Variants in ABCC1 observed in about 807,000 individuals in gnomAD.
The protein encoded by ABCC1 is ATP binding cassette subfamily C member 1 (ABCC1 blood group).
ABCC1 carries 83 observed loss-of-function variants against 172.9 expected under a neutral mutation model. That is an observed-to-expected ratio of 0.48 (90% CI 0.40 to 0.58). The LOEUF (loss-of-function observed/expected upper bound fraction) is 0.58, where lower values mean the gene tolerates loss of function less well. Among genes scored for constraint, ABCC1 ranks in the 20% least tolerant of loss-of-function variants. ABCC1 has a pLI of 0.00. For missense variants in ABCC1, 1,817 were observed against 2,002.7 expected, an observed-to-expected ratio of 0.91 and a Z score of 1.77; for synonymous variants, 937 against 825.2, an observed-to-expected ratio of 1.14 and a Z score of -2.32.
intron 28 of ABCC1, among the ~76,000 whole-genome samples, chr16:16,134,829 A>C (rs1180741357): frequency 1.3e-5 from 2 of 151,778 alleles, no homozygotes; most frequent in Non-Finnish European, 2.9e-5. Context: ...TTTTGTGGAG[A>C]TGGGGTTCCA....
intron 16 of ABCC1, 118 bp downstream of exon 16, chr16:16,079,596 C>G: frequency 8.0e-7 from 1 of 1,254,506 alleles, no homozygotes; most frequent in Non-Finnish European, 1.1e-6. Context: ...AGCAACGTCT[C>G]TTTTCCTCCT....
At chr16:16,141,083 G>T in intron 30 of ABCC1, 90 bp from the exon 31 acceptor site, 2 of 1,137,454 alleles carry the variant, frequency 1.8e-6, no homozygotes, top group Non-Finnish European at 1.3e-6. Context: ...GGCCTGACCC[G>T]AAGCAGTGAC....
chr16:16,029,340 A>C (rs1462545212), intron 5 of ABCC1, among the ~76,000 whole-genome samples: 3 of 152,084 alleles, frequency 2.0e-5, no homozygotes, highest in African/African-American at 7.2e-5. Flanking sequence ...CTCGTGCCTC[A>C]GCCTCTTGAG....
chr16:15,957,965 C>T (rs2046037052), intron 1 of ABCC1, among the ~76,000 whole-genome samples: 2 of 152,206 alleles, frequency 1.3e-5, no homozygotes, highest in Non-Finnish European at 2.9e-5. Context: ...ATCAGAAGTT[C>T]TGCTAGCCCC....
Position 16,111,486 on chromosome 16 carries a change from T to TG in ABCC1, c.2985dup (p.Leu996AlafsTer6). On this transcript the variant is annotated frameshift_variant, in exon 22 of 31. Coordinates refer to ENST00000399410, the MANE Select transcript of ABCC1 (RefSeq NM_004996.4). LOFTEE classifies it high-confidence loss of function. ...TGTGTCCGCGCTGGCTTCCAACTAT[T>TG]GGCTCAGCCTCTGGACTGATGACCC... is the stretch of plus-strand genomic sequence containing the variant. The TG allele has an allele frequency of 1.9e-6, 3 of 1,614,202 alleles. No homozygotes were observed. The highest frequency in any genetic ancestry group is 2.5e-6 in the Non-Finnish European group (3 of 1,180,026).
Position 16,065,967 on chromosome 16 carries a change from C to T in ABCC1, c.1678-2189C>T, listed in dbSNP as rs532695436. 2.1e-4 allele frequency among the ~76,000 whole-genome samples: 28 copies of T among 136,040 alleles called. 1 individual carries two copies. Among genetic ancestry groups the T allele is most frequent in the Non-Finnish European group, 4.7e-5 (3 of 63,366 alleles). The allele number at this position is 136,040 out of a possible 152,430, so 89.2% of individuals were successfully genotyped here. On this transcript the variant is annotated intron_variant, in intron 12 of 30. Coordinates refer to ENST00000399410, the MANE Select transcript of ABCC1 (RefSeq NM_004996.4). ...GTGTGATGTGTGGTGGTGTGAAGGTCACCCAGTGGGTTTTTTGTATAAATG... is the reference window on the plus strand; with the variant it reads ...GTGTGATGTGTGGTGGTGTGAAGGTTACCCAGTGGGTTTTTTGTATAAATG...
At chr16:16,054,034 G>C (rs939080764) in intron 11 of ABCC1, among the ~76,000 whole-genome samples, 3 of 151,362 alleles carry the variant, frequency 2.0e-5, no homozygotes, top group African/African-American at 7.3e-5. Flanking sequence ...GAGTGCAGTC[G>C]TACGATCTTG....
At chr16:16,028,660 C>G (rs868607577) in intron 5 of ABCC1, among the ~76,000 whole-genome samples, 5 of 152,188 alleles carry the variant, frequency 3.3e-5, no homozygotes, top group Non-Finnish European at 5.9e-5. Context: ...ACCACTACCT[C>G]CACGCCTTAG....
Position 15,981,419 on chromosome 16 carries a change from C to T in ABCC1, c.49-26397C>T, listed in dbSNP as rs74464571. 2.3e-3 allele frequency among the ~76,000 whole-genome samples: 351 copies of T among 152,342 alleles called. 8 individuals carry two copies. Among genetic ancestry groups the T allele is most frequent in the African/African-American group, 7.8e-3 (326 of 41,568 alleles). On this transcript the variant is annotated intron_variant, in intron 1 of 30. Transcript: ENST00000399410. ...ACACCCAGGCATTTCCATGCATCCT[C>T]TGAAATCTAGGTGGAGGTTCCCAAA... is the stretch of plus-strand genomic sequence containing the variant.
chr16:15,955,395 A>G (rs1470274084), intron 1 of ABCC1, among the ~76,000 whole-genome samples: 2 of 151,892 alleles, frequency 1.3e-5, no homozygotes, highest in Non-Finnish European at 2.9e-5. Context: ...TGCTGTGCCT[A>G]CTCTGCCCTT....
intron 1 of ABCC1, among the ~76,000 whole-genome samples, chr16:15,967,758 CAA>C (rs11287273): frequency 0.057 from 6,957 of 123,004 alleles, 556 homozygotes; most frequent in African/African-American, 0.19. Context: ...GCACTGTCTC[CAA>C]AAAAAAAAAA....
Position 15,999,093 on chromosome 16 carries a change from T to C in ABCC1, c.49-8723T>C, listed in dbSNP as rs147725083. Among the ~76,000 whole-genome samples the C allele has an allele frequency of 5.3e-3, 800 of 152,246 alleles. 8 individuals carry two copies. Among genetic ancestry groups the C allele is most frequent in the African/African-American group, 0.018 (754 of 41,562 alleles). ...TCGGCTCACTGCAAGCTCTGCCTTC[T>C]GGGTTCATGCCATTCTCCTGCCTCA... On this transcript the variant is annotated intron_variant, in intron 1 of 30. Transcript: ENST00000399410.
intron 21 of ABCC1, among the ~76,000 whole-genome samples, chr16:16,107,460 T>A (rs1336237478): frequency 6.6e-6 from 1 of 152,054 alleles, no homozygotes; most frequent in African/African-American, 2.4e-5. Context: ...CAGCTAATTT[T>A]TGTATTTTTA....
chr16:16,115,942 G>A (rs893103506), intron 23 of ABCC1, among the ~76,000 whole-genome samples: 5 of 148,082 alleles, frequency 3.4e-5, no homozygotes, highest in Non-Finnish European at 7.5e-5. Context: ...TCGCTCTGTC[G>A]CCCAGGCTGG....
intron 3 of ABCC1, among the ~76,000 whole-genome samples, chr16:16,013,365 G>A (rs1460238798): frequency 6.6e-6 from 1 of 151,640 alleles, no homozygotes; most frequent in Non-Finnish European, 1.5e-5. Flanking sequence ...CCGCCTCCCA[G>A]GTTCAAGTGA....
intron 1 of ABCC1, among the ~76,000 whole-genome samples, chr16:15,986,268 C>T (rs923581148): frequency 5.9e-5 from 9 of 151,778 alleles, no homozygotes; most frequent in Non-Finnish European, 8.8e-5. Context: ...ATATTCCCAC[C>T]GTCCTCTTGT....
chr16:15,975,496 G>A (rs1315361131), intron 1 of ABCC1, among the ~76,000 whole-genome samples: 1 of 152,070 alleles, frequency 6.6e-6, no homozygotes, highest in East Asian at 1.9e-4. Context: ...TTTCTGGATT[G>A]CTCTTCAGAT....
chr16:16,110,331 G>A (rs573109081), intron 21 of ABCC1, among the ~76,000 whole-genome samples: 3 of 152,206 alleles, frequency 2.0e-5, no homozygotes, highest in Admixed American at 2.0e-4. Flanking sequence ...TGATCCACTT[G>A]CCGCAGCCCC....
intron 13 of ABCC1, 62 bp from the exon 14 acceptor site, chr16:16,071,580 T>A: frequency 7.1e-7 from 1 of 1,408,714 alleles, no homozygotes; most frequent in Non-Finnish European, 9.9e-7. Flanking sequence ...AAGTTAACCT[T>A]GGTTGGTTTT....
Sources: allele counts gnomAD v4.1 joint callset (sites outside exome capture counted in the v4.1 genomes callset), GRCh38; gene constraint gnomAD v4.1.1; transcripts MANE v1.5; gene names NCBI Gene and HGNC (gene_info 2026-07-23, HGNC 2026-07-21).